NTMT1: variants seen among roughly 807,000 people sequenced by gnomAD.
NTMT1 encodes the protein N-terminal Xaa-Pro-Lys N-methyltransferase 1, also known as N-terminal RCC1 methyltransferase.
Under a neutral mutation model 17.5 loss-of-function variants are expected in NTMT1, and 8 were observed. That is an observed-to-expected ratio of 0.46 (90% CI 0.27 to 0.82). The LOEUF is 0.82. Among genes scored for constraint, NTMT1 ranks in the 40% least tolerant of loss-of-function variants. The pLI is 0.15. For missense variants in NTMT1, 221 were observed against 303.5 expected (o/e 0.73, Z 2.02); for synonymous variants, 128 against 126.8 (o/e 1.01, Z -0.06).
chr9:129,610,137 G>A (rs1379584273), intron 1 of NTMT1, among the ~76,000 whole-genome samples: 1 of 147,750 alleles, frequency 6.8e-6, no homozygotes, highest in African/African-American at 2.5e-5. Flanking sequence ...CGCAGGGAGC[G>A]GACAGGAGCG....
intron 3 of NTMT1, chr9:129,635,004 A>G: frequency 1.6e-6 from 1 of 615,982 alleles, no homozygotes; most frequent in South Asian, 2.1e-5. Flanking sequence ...ATGTGTCTTT[A>G]GGTAGATGAC....
At position 129,612,921 on chromosome 9, in the gene NTMT1, A is replaced by G. The variant is rs74381877; in HGVS notation, c.-55+3743A>G. On this transcript the variant is annotated intron_variant, in intron 1 of 3. Transcript: ENST00000372486. ...GCACCTGGCTTAGAGCCACCCCTTG[A>G]CAGCTGCCCTTTGAGGGAGATGCAG... Among the ~76,000 whole-genome samples, 122 of 152,216 alleles carry G rather than the reference A, an allele frequency of 8.0e-4. 1 individual carries two copies. In the East Asian group the frequency reaches 0.021, roughly 26 times the overall value.
intron 1 of NTMT1, chr9:129,615,766 G>A (rs1830344783): frequency 2.7e-6 from 3 of 1,126,204 alleles, no homozygotes; most frequent in African/African-American, 1.6e-5. Flanking sequence ...CTTGAAGAAT[G>A]GATAACGCCA....
chr9:129,635,793 C>A lies in NTMT1; in HGVS notation c.*329C>A, dbSNP rs2270402. 7.1e-3 allele frequency: 1,804 copies of A among 252,492 alleles called. 66 individuals are homozygous for A. In the East Asian group the frequency reaches 0.1, roughly 14 times the overall value. The allele number at this position is 252,492 out of a possible 1,614,324, so 15.6% of individuals were successfully genotyped here. ...TAACCGATTCCCTGGGCCTCCAGCC[C>A]GGCCTTCCAGCCATGGGCCTGGCTG... On this transcript the variant is annotated 3_prime_UTR_variant, in exon 4 of 4. Coordinates refer to ENST00000372483, the MANE Select transcript of NTMT1 (RefSeq NM_014064.4).
chr9:129,635,487 G>A lies in NTMT1; in HGVS notation c.*23G>A, dbSNP rs1831496362. 1 of 1,597,472 alleles carries A rather than the reference G, an allele frequency of 6.3e-7. No homozygotes were observed. Among genetic ancestry groups the A allele is most frequent in the Non-Finnish European group, 8.6e-7 (1 of 1,169,492 alleles). ...TGAGCCGGGGCTGGCAGGAGAAACT[G>A]AGGAACCACAGTCCTGGTGGGGGGA... On this transcript the variant is annotated 3_prime_UTR_variant, in exon 4 of 4. Transcript: ENST00000372483.
Position 129,620,565 on chromosome 9 carries a change from G to T in NTMT1, c.-55+11387G>T. 7.3e-7 allele frequency: 1 copy of T among 1,370,474 alleles called. No homozygotes were observed. 84.9% of individuals were successfully genotyped at this position (1,370,474 alleles called of 1,614,324 possible). A position where few individuals can be genotyped will look rare whatever the true frequency, so the allele number is the denominator to read the frequency against. ...TCCTGGGCCCCTGGGCGAAGTCGAC[G>T]CCAGAACATGCTTGGCCCCGCACTC... On this transcript the variant is annotated intron_variant, in intron 1 of 3. Transcript: ENST00000372486. This position sits in a 1 kb window ranked among gnomAD's most constrained non-coding sequence, Gnocchi z 5.8.
chr9:129,610,658 C>CTGAG (rs1830094734), intron 1 of NTMT1, among the ~76,000 whole-genome samples: 1 of 151,952 alleles, frequency 6.6e-6, no homozygotes, highest in Admixed American at 6.6e-5. Flanking sequence ...GAGCGAGAGG[C>CTGAG]TGAGAAGTTT....
At chr9:129,611,791 C>T (rs936095074) in intron 1 of NTMT1, among the ~76,000 whole-genome samples, 1 of 152,046 alleles carries the variant, frequency 6.6e-6, no homozygotes, top group African/African-American at 2.4e-5. Flanking sequence ...CTTACTCTCT[C>T]GCCCAGGCTG....
At chr9:129,617,088 A>G (rs1830431185) in intron 1 of NTMT1, among the ~76,000 whole-genome samples, 1 of 152,066 alleles carries the variant, frequency 6.6e-6, no homozygotes, top group Non-Finnish European at 1.5e-5. Context: ...AAAAAAAATC[A>G]GCCTCAAGGG....
chr9:129,616,807 G>A (rs1483147075), intron 1 of NTMT1, among the ~76,000 whole-genome samples: 1 of 152,130 alleles, frequency 6.6e-6, no homozygotes, highest in Non-Finnish European at 1.5e-5. Context: ...AACCCGGTGT[G>A]GTGGCTCACG....
chr9:129,609,847 G>C (rs1830071573), intron 1 of NTMT1, among the ~76,000 whole-genome samples: 1 of 152,070 alleles, frequency 6.6e-6, no homozygotes, highest in Admixed American at 6.5e-5. Context: ...GAATGTGGGG[G>C]CTGCGGCCCT....
chr9:129,625,097 C>A (rs764554224), upstream of NTMT1, among the ~76,000 whole-genome samples: 1 of 152,322 alleles, frequency 6.6e-6, no homozygotes, highest in African/African-American at 2.4e-5. Context: ...GTAATTATTA[C>A]GTTGCTCAAC....
chr9:129,612,532 C>T, intron 1 of NTMT1: 1 of 1,134,554 alleles, frequency 8.8e-7, no homozygotes, highest in Non-Finnish European at 1.3e-6. Context: ...GGATTCTGTG[C>T]TGAAGCCCTG....
rs757183721 is a variant in NTMT1 at position 129,620,549 on chromosome 9, C to T, written c.-55+11371C>T. Reference sequence around the variant, plus strand: ...CCCCTTGGGCGCCAGGTCCTGGGCCCCTGGGCGAAGTCGACGCCAGAACAT... The same window carrying T: ...CCCCTTGGGCGCCAGGTCCTGGGCCTCTGGGCGAAGTCGACGCCAGAACAT... On this transcript the variant is annotated intron_variant, in intron 1 of 3. Coordinates refer to the NTMT1 transcript ENST00000372486. The surrounding 1 kb of genome is among the most constrained non-coding windows in gnomAD (Gnocchi z 5.8). 3 of 1,400,286 alleles carry T rather than the reference C, an allele frequency of 2.1e-6. No homozygotes were observed. The highest frequency in any genetic ancestry group is 2.7e-5 in the Admixed American group (1 of 37,458). The allele number at this position is 1,400,286 out of a possible 1,614,324, so 86.7% of individuals were successfully genotyped here.
chr9:129,616,316 C>T (rs1348239427), intron 1 of NTMT1, among the ~76,000 whole-genome samples: 5 of 152,120 alleles, frequency 3.3e-5, no homozygotes, highest in African/African-American at 9.7e-5. Flanking sequence ...CCCGGGTTCA[C>T]GCCATTCTCC....
Position 129,620,053 on chromosome 9 carries a change from C to T in NTMT1, c.-55+10875C>T, listed in dbSNP as rs573286907. 490 of 1,454,270 alleles carry T rather than the reference C, an allele frequency of 3.4e-4. 1 individual carries two copies. Among genetic ancestry groups the T allele is most frequent in the Non-Finnish European group, 2.5e-4 (279 of 1,101,882 alleles). 90.1% of individuals were successfully genotyped at this position (1,454,270 alleles called of 1,614,324 possible). A position where few individuals can be genotyped will look rare whatever the true frequency, so the allele number is the denominator to read the frequency against. The stretch of plus-strand genomic sequence containing the variant: ...ATGACTCGGGCCCGCCCCCCGGGCC[C>T]CGCGGGGCCTCACTCAGTGGCTCCG... On this transcript the variant is annotated intron_variant, in intron 1 of 3. Coordinates refer to the NTMT1 transcript ENST00000372486. The surrounding 1 kb of genome is among the most constrained non-coding windows in gnomAD (Gnocchi z 5.8).
chr9:129,629,210 G>C (rs1325267408), intron 1 of NTMT1, among the ~76,000 whole-genome samples: 1 of 152,008 alleles, frequency 6.6e-6, no homozygotes, highest in African/African-American at 2.4e-5. Flanking sequence ...TGGTTGCTCC[G>C]GTACCTGCTG....
chr9:129,620,483 C>G lies in NTMT1; in HGVS notation c.-55+11305C>G. On this transcript the variant is annotated intron_variant, in intron 1 of 3. Transcript: ENST00000372486. This position sits in a 1 kb window ranked among gnomAD's most constrained non-coding sequence, Gnocchi z 5.8. ...CGCGGGCGGGGTCAGCTTGGGCAGC[C>G]GCGGGTCGCTGCTGCGTCGGAAGTC... 3 of 1,389,804 alleles carry G rather than the reference C, an allele frequency of 2.2e-6. No individual in the cohort carries two copies. Among genetic ancestry groups the G allele is most frequent in the Non-Finnish European group, 2.8e-6 (3 of 1,067,248 alleles). 86.1% of individuals were successfully genotyped at this position (1,389,804 alleles called of 1,614,324 possible).
At position 129,620,518 on chromosome 9, in the gene NTMT1, A is replaced by G; in HGVS notation, c.-55+11340A>G. ...TGCTGCGTCGGAAGTCTCCGTCGCC[A>G]GGGAGCCCCTTGGGCGCCAGGTCCT... is the stretch of plus-strand genomic sequence containing the variant. On this transcript the variant is annotated intron_variant, in intron 1 of 3. Transcript: ENST00000372486. The surrounding 1 kb of genome is among the most constrained non-coding windows in gnomAD (Gnocchi z 5.8). The G allele has an allele frequency of 6.9e-7, 1 of 1,444,828 alleles. No individual in the cohort carries two copies. The highest frequency in any genetic ancestry group is 9.1e-7 in the Non-Finnish European group (1 of 1,096,858). The allele number at this position is 1,444,828 out of a possible 1,614,324, so 89.5% of individuals were successfully genotyped here. A position where few individuals can be genotyped will look rare whatever the true frequency, so the allele number is the denominator to read the frequency against.
Sources: gnomAD v4.1 joint callset for allele counts (sites outside exome capture counted in the v4.1 genomes callset) on GRCh38, gnomAD v4.1.1 for gene constraint, Gnocchi (gnomAD v3.1) non-coding constraint, MANE v1.5 for transcripts, NCBI Gene and HGNC (gene_info 2026-07-23, HGNC 2026-07-21) for gene names.